Variants in ZFHX3 observed in about 807,000 individuals in gnomAD.
The protein encoded by ZFHX3 is zinc finger homeobox protein 3.
Under a neutral mutation model 279.1 loss-of-function variants are expected in ZFHX3, and 42 were observed. The observed-to-expected ratio is 0.15, with a 90% confidence interval of 0.12 to 0.19. The LOEUF (loss-of-function observed/expected upper bound fraction) is 0.19. ZFHX3 is among the 10% of genes least tolerant of loss of function. The pLI is 1.00. For synonymous variants in ZFHX3, 2,293 were observed against 1,957.8 expected (o/e 1.17, Z -4.52); for missense variants, 4,981 against 4,754.0 (o/e 1.05, Z -1.40).
chr16:73,812,582 C>A (rs918279586), intron 1 of ZFHX3: 3 of 152,280 alleles, frequency 2.0e-5, no homozygotes, highest in Non-Finnish European at 4.4e-5. Context: ...CTCATCCCTA[C>A]CAGGTCACAG....
chr16:73,418,980 A>G (rs1328480754), intron 3 of ZFHX3, among the ~76,000 whole-genome samples: 2 of 152,192 alleles, frequency 1.3e-5, no homozygotes, highest in Admixed American at 1.3e-4. Context: ...ATTAACATGG[A>G]CGTCAAACTG....
rs192272308 is a variant in ZFHX3, at chr16:73,009,882, G to A, written c.-50+37870C>T. On this transcript the variant is annotated intron_variant, in intron 1 of 9. Transcript: ENST00000268489. Reference sequence around the variant, plus strand: ...GTAAAAATAAAAAAATTAGCAGGGTGTGGTGGCGCACGCCTGTAATCCCAG... The same window carrying A: ...GTAAAAATAAAAAAATTAGCAGGGTATGGTGGCGCACGCCTGTAATCCCAG... Among the ~76,000 whole-genome samples, 796 of 152,194 alleles carry A rather than the reference G, an allele frequency of 5.2e-3. 7 individuals carry two copies. Among genetic ancestry groups the A allele is most frequent in the Middle Eastern group, 0.024 (7 of 294 alleles).
Position 72,798,700 on chromosome 16 carries a change from G to A in ZFHX3, c.3982C>T (p.Leu1328=). 4 of 1,541,132 alleles carry A rather than the reference G, an allele frequency of 2.6e-6. No individual in the cohort carries two copies. Among genetic ancestry groups the A allele is most frequent in the East Asian group, 2.3e-5 (1 of 43,642 alleles). ...AGKQPETSED[L]GKNILPSAST... is the part of the protein sequence containing the mutation. ...GCGGATGGCAAGATGTTCTTTCCCA[G>A]ATCCTCTGAGGTTTCTGTTAAAAAA... Residue 1328 remains leucine, a synonymous_variant, in exon 9 of 10, where the codon CTG becomes TTG. Transcript: ENST00000268489.
chr16:73,140,931 A>T (rs1032083912), intron 6 of ZFHX3, among the ~76,000 whole-genome samples: 1 of 152,160 alleles, frequency 6.6e-6, no homozygotes, highest in Non-Finnish European at 1.5e-5. Flanking sequence ...CATCATTTGG[A>T]GGATCAAGTG....
At chr16:72,806,825 G>A (rs2036281972) in intron 7 of ZFHX3, among the ~76,000 whole-genome samples, 1 of 152,112 alleles carries the variant, frequency 6.6e-6, no homozygotes, top group Non-Finnish European at 1.5e-5. Flanking sequence ...GAATAATTAA[G>A]AACTACCAAA....
In ZFHX3 at chr16:73,139,159, T is replaced by TG. The variant is rs541682658; in HGVS notation, c.-1024+4592dup. Reference sequence around the variant, plus strand: ...ATCATTTCATTGTTTACAACATCACTGCTCATTAATAGGGAATTAGTTAAA... The same window carrying TG: ...ATCATTTCATTGTTTACAACATCACTGGCTCATTAATAGGGAATTAGTTAAA... On this transcript the variant is annotated intron_variant, in intron 6 of 17. Coordinates refer to the ZFHX3 transcript ENST00000641206. Among the ~76,000 whole-genome samples, 8 of 152,352 alleles carry TG rather than the reference T, an allele frequency of 5.3e-5. No individual in the cohort carries two copies. The South Asian group carries it at 1.7e-3, about 32-fold the overall frequency.
chr16:73,170,143 C>A (rs76545056), intron 5 of ZFHX3, among the ~76,000 whole-genome samples: 7 of 149,328 alleles, frequency 4.7e-5, no homozygotes, highest in African/African-American at 1.7e-4. Flanking sequence ...ATGCTAACTG[C>A]GAAAGTGCAG....
chr16:73,325,916 C>CAAAA lies in ZFHX3; in HGVS notation c.-1290-7581_-1290-7580insTTTT, dbSNP rs1555510190. Among the ~76,000 whole-genome samples, 6 of 132,784 alleles carry CAAAA rather than the reference C, an allele frequency of 4.5e-5. No individual in the cohort carries two copies. The South Asian group carries it at 1.5e-3, about 33-fold the overall frequency. The allele number at this position is 132,784 out of a possible 152,430, so 87.1% of individuals were successfully genotyped here. A position where few individuals can be genotyped will look rare whatever the true frequency, so the allele number is the denominator to read the frequency against. On this transcript the variant is annotated intron_variant, in intron 3 of 17. Transcript: ENST00000641206. ...ACACACACACAAACACACACACACA[C>CAAAA]ACACACACACAAACACACACACACA...
At chr16:73,018,641 G>A (rs1271777583) in intron 1 of ZFHX3, among the ~76,000 whole-genome samples, 1 of 152,058 alleles carries the variant, frequency 6.6e-6, no homozygotes, top group Non-Finnish European at 1.5e-5. Flanking sequence ...TAAATGGCAA[G>A]AATTTTCTTT....
intron 4 of ZFHX3, among the ~76,000 whole-genome samples, chr16:73,262,656 A>G (rs73603323): frequency 0.1 from 15,240 of 152,216 alleles, 1,212 homozygotes; most frequent in East Asian, 0.46. Context: ...TAGGAGGTAG[A>G]TTGCAGACAG....
intron 5 of ZFHX3, among the ~76,000 whole-genome samples, chr16:73,157,104 C>T (rs576405200): frequency 2.0e-5 from 3 of 152,208 alleles, no homozygotes; most frequent in African/African-American, 4.8e-5. Flanking sequence ...TCAGATGTGC[C>T]TGCCTCTGAA....
At chr16:73,051,893 G>A (rs552232935), upstream of ZFHX3, among the ~76,000 whole-genome samples, 2 of 152,238 alleles carry the variant, frequency 1.3e-5, no homozygotes, top group South Asian at 2.1e-4. Context: ...AAACACAGGG[G>A]GATTCTTACA....
Position 73,635,776 on chromosome 16 carries a change from T to C in ZFHX3, c.-1547+44404A>G, listed in dbSNP as rs112123909. Among the ~76,000 whole-genome samples, 90 of 152,324 alleles carry C rather than the reference T, an allele frequency of 5.9e-4. 1 individual carries two copies. The highest frequency in any genetic ancestry group is 2.0e-3 in the African/African-American group (83 of 41,576). ...AATATTCTCCTTTGTCTTCAACCTT[T>C]TTTCCAATAATAGACACTTCCTTTG... On this transcript the variant is annotated intron_variant, in intron 2 of 17. Transcript: ENST00000641206.
At chr16:72,899,213 T>C (rs951230829) in intron 3 of ZFHX3, among the ~76,000 whole-genome samples, 1 of 152,204 alleles carries the variant, frequency 6.6e-6, no homozygotes, top group Non-Finnish European at 1.5e-5. Flanking sequence ...AATCTCATCT[T>C]GAAGTGTAGT....
rs575921777 is a variant in ZFHX3, at chr16:73,782,964, G to C, written c.-1607-102724C>G. ...CTAACTCAATAGGTGAAAACTTCAG[G>C]ATACATAATTCTATGGGATTCTCTA... On this transcript the variant is annotated intron_variant, in intron 1 of 17. Coordinates refer to the ZFHX3 transcript ENST00000641206. 4.9e-4 allele frequency among the ~76,000 whole-genome samples: 75 copies of C among 152,236 alleles called. 1 individual carries two copies. Among genetic ancestry groups the C allele is most frequent in the Admixed American group, 4.9e-3 (75 of 15,290 alleles).
At chr16:73,268,226 G>T (rs903951173) in intron 4 of ZFHX3, among the ~76,000 whole-genome samples, 2 of 152,220 alleles carry the variant, frequency 1.3e-5, no homozygotes, top group East Asian at 3.9e-4. Context: ...GGCCTCAATT[G>T]GTTTTGCTTG....
At chr16:72,849,742 T>C (rs1250053275) in intron 4 of ZFHX3, among the ~76,000 whole-genome samples, 1 of 151,824 alleles carries the variant, frequency 6.6e-6, no homozygotes, top group Non-Finnish European at 1.5e-5. Context: ...ACGGCTGCCA[T>C]TCACTTCCCT....
At chr16:73,416,122 CAAAA>C (rs1234376040) in intron 3 of ZFHX3, among the ~76,000 whole-genome samples, 2 of 74,838 alleles carry the variant, frequency 2.7e-5, no homozygotes, top group African/African-American at 7.4e-5. Context: ...GACTCCATCT[CAAAA>C]AAAAAAAAAA....
At chr16:73,076,905 A>G (rs948510372) in intron 8 of ZFHX3, among the ~76,000 whole-genome samples, 10 of 152,122 alleles carry the variant, frequency 6.6e-5, no homozygotes, top group Admixed American at 5.2e-4. Flanking sequence ...ACACACACAC[A>G]CACACGACTG....
Sources: gnomAD v4.1 joint callset for allele counts (sites outside exome capture counted in the v4.1 genomes callset) on GRCh38, gnomAD v4.1.1 for gene constraint, MANE v1.5 for transcripts, NCBI Gene and HGNC (gene_info 2026-07-23, HGNC 2026-07-21) for gene names.